The following POLR3C variants were observed in gnomAD, a reference collection of about 807,000 sequenced individuals.
POLR3C encodes RNA polymerase III subunit C.
Under a neutral mutation model 65.9 loss-of-function variants are expected in POLR3C, and 44 were observed. The ratio of observed to expected loss-of-function variants is 0.67; its 90% confidence interval spans 0.52 to 0.86. The LOEUF (loss-of-function observed/expected upper bound fraction) is 0.86. Ranked by LOEUF, POLR3C falls within the 40% of genes least tolerant of loss-of-function variation. POLR3C has a pLI of 0.00. For synonymous variants in POLR3C, 263 were observed against 231.6 expected (o/e 1.14, Z -1.23); for missense variants, 576 against 653.2 (o/e 0.88, Z 1.29).
chr1:145,833,340 C>T lies in POLR3C; in HGVS notation c.759C>T (p.Ser253=), dbSNP rs782225331. The T allele has an allele frequency of 2.0e-5, 33 of 1,612,246 alleles. No homozygotes were observed. The highest frequency in any genetic ancestry group is 2.6e-5 in the Non-Finnish European group (31 of 1,178,534). The change falls in exon 6 of 15, where the codon AGC becomes AGT. Residue 253 remains serine, a synonymous_variant. Transcript: ENST00000334163. The stretch of plus-strand genomic sequence containing the variant: ...ACTTCCGTGACCAAGCCATTGTGAG[C>T]GCAGTTGCTAACAGGATGGACCAGG... ...HQHFRDQAIV[S]AVANRMDQTS... is the part of the protein sequence containing the mutation.
chr1:145,844,213 C>T lies in POLR3C; in HGVS notation c.*1793C>T, dbSNP rs587772425. 1.4e-4 allele frequency among the ~76,000 whole-genome samples: 22 copies of T among 152,296 alleles called. No homozygotes were observed. In the South Asian group the frequency reaches 3.7e-3, roughly 26 times the overall value. The stretch of plus-strand genomic sequence containing the variant: ...AATGTATCAAAAAGATACCTGCACT[C>T]CCATGTTTATTGCAGCAGTATTCAC... On this transcript the variant is annotated 3_prime_UTR_variant, in exon 15 of 15. Coordinates refer to ENST00000334163, the MANE Select transcript of POLR3C (RefSeq NM_006468.8).
intron 5 of POLR3C, among the ~76,000 whole-genome samples, chr1:145,829,112 C>G (rs1213506281): frequency 6.6e-6 from 1 of 152,280 alleles, no homozygotes; most frequent in East Asian, 1.9e-4. Flanking sequence ...ACCTAAAGAC[C>G]TACAGGGGCC....
At chr1:145,829,623 C>T (rs1209869891) in intron 5 of POLR3C, among the ~76,000 whole-genome samples, 1 of 152,200 alleles carries the variant, frequency 6.6e-6, no homozygotes, top group Admixed American at 6.5e-5. Flanking sequence ...GCTAGGAAGC[C>T]TTACGTGATC....
Position 145,833,542 on chromosome 1 carries a change from C to T in POLR3C, c.836C>T (p.Ser279Phe). 6.2e-7 allele frequency: 1 copy of T among 1,613,244 alleles called. No individual in the cohort carries two copies. Among genetic ancestry groups the T allele is most frequent in the Non-Finnish European group, 8.5e-7 (1 of 1,179,128 alleles). Residue 279 changes from serine to phenylalanine, a missense_variant, in exon 7 of 15, where the codon TCC becomes TTC. Transcript: ENST00000334163. ...TMLRMSEITT[S>F]SSAPFTQPLS... ...CTCCGAATGAGTGAGATTACCACTT[C>T]CTCTAGTGCTCCCTTCACCCAGCCA...
At chr1:145,840,539 C>CAA in intron 13 of POLR3C, 5 of 227,878 alleles carry the variant, frequency 2.2e-5, no homozygotes, top group South Asian at 7.6e-5. Flanking sequence ...GACTCCATCT[C>CAA]AAAAAAAAAA....
chr1:145,828,827 A>T lies in POLR3C; in HGVS notation c.668A>T (p.Asp223Val). The stretch of plus-strand genomic sequence containing the variant: ...GCCAAGAGACCAAAATATACTACAG[A>T]TAACAAGGAGGTAATGGGGCTTCTT... ...PKAKRPKYTT[D>V]NKEPIPDDGI... The change falls in exon 5 of 15, where the codon GAT (aspartate) becomes GTT (valine). Residue 223 changes from aspartate to valine, a missense_variant. By Grantham distance (152) the Asp-to-Val change is radical. Transcript: ENST00000334163. 2 of 1,572,158 alleles carry T rather than the reference A, an allele frequency of 1.3e-6. No homozygotes were observed. The highest frequency in any genetic ancestry group is 1.8e-6 in the Non-Finnish European group (2 of 1,141,784).
At chr1:145,837,923 A>G (rs993866509) in intron 10 of POLR3C, 133 bp from the exon 11 acceptor site, 3 of 771,704 alleles carry the variant, frequency 3.9e-6, no homozygotes, top group Non-Finnish European at 4.2e-6. Context: ...ATGGAGCTGT[A>G]GAATAATTTT....
intron 7 of POLR3C, among the ~76,000 whole-genome samples, chr1:145,835,785 G>A (rs1651767669): frequency 6.6e-6 from 1 of 152,072 alleles, no homozygotes; most frequent in Non-Finnish European, 1.5e-5. Context: ...TGTTGGCCAG[G>A]CTGGTCTCGA....
rs1044697 is a variant in POLR3C at position 145,833,309 on chromosome 1, A to T, written c.728A>T (p.His243Leu). Residue 243 changes from histidine (H) to leucine (L), a missense_variant, in exon 6 of 15, where the codon CAC (histidine) becomes CTC (leucine). Coordinates refer to ENST00000334163, the MANE Select transcript of POLR3C (RefSeq NM_006468.8). ...IYWQANLDRFHQHFRDQAIVS... is the reference protein window; with the variant it reads ...IYWQANLDRFLQHFRDQAIVS... Reference sequence around the variant, plus strand: ...TGGCAGGCCAACCTTGACAGATTCCACCAACACTTCCGTGACCAAGCCATT... The same window carrying T: ...TGGCAGGCCAACCTTGACAGATTCCTCCAACACTTCCGTGACCAAGCCATT... The T allele has an allele frequency of 6.2e-7, 1 of 1,613,720 alleles. No individual in the cohort carries two copies. The highest frequency in any genetic ancestry group is 1.3e-5 in the African/African-American group (1 of 74,900).
intron 7 of POLR3C, among the ~76,000 whole-genome samples, chr1:145,834,137 C>T (rs1651586141): frequency 1.3e-5 from 2 of 152,180 alleles, no homozygotes; most frequent in African/African-American, 2.4e-5. Flanking sequence ...CAGCATGTTA[C>T]TGTACTGAAT....
chr1:145,835,144 C>CA (rs56819606), intron 7 of POLR3C, among the ~76,000 whole-genome samples: 4,311 of 46,540 alleles, frequency 0.093, 271 homozygotes, highest in African/African-American at 0.23. Context: ...AACCCTATTT[C>CA]AAAAAAAAAA....
In POLR3C at chr1:145,836,590, C is replaced by CT. The variant is rs782820158; in HGVS notation, c.957+23dup. ...AGATGATCCAGTAAGTCTGTTTTTG[C>CT]TTTTTTTCTTTTTTCTTTAGCCTGT... is the stretch of plus-strand genomic sequence containing the variant. On this transcript the variant is annotated intron_variant, in intron 8 of 14. Transcript: ENST00000334163. 27 of 1,478,206 alleles carry CT rather than the reference C, an allele frequency of 1.8e-5. No individual in the cohort carries two copies. In the East Asian group the frequency reaches 3.8e-4, roughly 21 times the overall value. 91.6% of individuals were successfully genotyped at this position (1,478,206 alleles called of 1,614,324 possible).
rs909144281 is a variant in POLR3C at position 145,828,631 on chromosome 1, A to C, written c.590-118A>C. 21 of 714,606 alleles carry C rather than the reference A, an allele frequency of 2.9e-5. No homozygotes were observed. In the African/African-American group the frequency reaches 3.4e-4, roughly 11 times the overall value. The allele number at this position is 714,606 out of a possible 1,614,324, so 44.3% of individuals were successfully genotyped here. A position where few individuals can be genotyped will look rare whatever the true frequency, so the allele number is the denominator to read the frequency against. The stretch of plus-strand genomic sequence containing the variant: ...TTATAGCTCTTCAGCCCCCTAAGCA[A>C]CTCTGATCTAGAGGCAGCTACAGAT... On this transcript the variant is annotated intron_variant, in intron 4 of 14. Coordinates refer to ENST00000334163, the MANE Select transcript of POLR3C (RefSeq NM_006468.8).
chr1:145,839,230 C>T (rs1465529906), intron 11 of POLR3C, among the ~76,000 whole-genome samples: 1 of 152,138 alleles, frequency 6.6e-6, no homozygotes, highest in Non-Finnish European at 1.5e-5. Context: ...AACATTGTGC[C>T]ACTGCACTCC....
chr1:145,836,733 A>T, intron 8 of POLR3C, 82 bp from the exon 9 acceptor site: 1 of 1,018,336 alleles, frequency 9.8e-7, no homozygotes, highest in Non-Finnish European at 1.6e-6. Flanking sequence ...TACCTGCTGC[A>T]GACTTTTGGT....
At chr1:145,835,871 C>T (rs587754242) in intron 7 of POLR3C, among the ~76,000 whole-genome samples, 1 of 152,140 alleles carries the variant, frequency 6.6e-6, no homozygotes, top group Non-Finnish European at 1.5e-5. Flanking sequence ...CCACCACACC[C>T]AACCTAGTCA....
In POLR3C at chr1:145,843,312, T is replaced by A. The variant is rs1652429253; in HGVS notation, c.*892T>A. ...TTCCTTAAAACTGGCAACGCTAAAT[T>A]CTCTCTCTCAGTATCACGGATATAA... On this transcript the variant is annotated 3_prime_UTR_variant, in exon 15 of 15. Coordinates refer to ENST00000334163, the MANE Select transcript of POLR3C (RefSeq NM_006468.8). 6.6e-6 allele frequency among the ~76,000 whole-genome samples: 1 copy of A among 151,912 alleles called. No individual in the cohort carries two copies. Among genetic ancestry groups the A allele is most frequent in the Non-Finnish European group, 1.5e-5 (1 of 68,036 alleles).
intron 1 of POLR3C, 191 bp downstream of exon 1, chr1:145,824,560 A>G (rs1343135153): frequency 5.5e-6 from 7 of 1,284,216 alleles, no homozygotes; most frequent in Admixed American, 2.3e-5. Context: ...CTCTGGTGAT[A>G]CTGAGGCGGG....
rs902874073 is a variant in POLR3C at position 145,842,591 on chromosome 1, A to T, written c.*171A>T. 1.6e-6 allele frequency: 1 copy of T among 637,006 alleles called. No homozygotes were observed. 39.5% of individuals were successfully genotyped at this position (637,006 alleles called of 1,614,324 possible). On this transcript the variant is annotated 3_prime_UTR_variant, in exon 15 of 15. Transcript: ENST00000334163. ...GAAAGAATTTGGCATATTTAGATCC[A>T]TTGCTGTAGTCTCCCCTCATCAAAT... is the stretch of plus-strand genomic sequence containing the variant.
Sources: allele counts gnomAD v4.1 joint callset (sites outside exome capture counted in the v4.1 genomes callset), GRCh38; gene constraint gnomAD v4.1.1; transcripts MANE v1.5; gene names NCBI Gene and HGNC (gene_info 2026-07-23, HGNC 2026-07-21).